Variants in EVA1A observed in about 807,000 individuals in gnomAD.
EVA1A encodes the protein eva-1 homolog A, regulator of programmed cell death, also known as protein eva-1 homolog A.
A neutral mutation model predicts 9.8 loss-of-function variants in EVA1A; 7 were observed. The ratio of observed to expected loss-of-function variants is 0.71; its 90% confidence interval spans 0.41 to 1.34. The LOEUF is 1.34. EVA1A is among the 40% of genes most tolerant of loss of function. The pLI is 0.01. For missense variants in EVA1A, 206 were observed against 205.9 expected, an observed-to-expected ratio of 1.00 and a Z score of 0.00; for synonymous variants, 90 against 85.6, an observed-to-expected ratio of 1.05 and a Z score of -0.28.
chr2:75,563,302 C>T, upstream of EVA1A, among the ~76,000 whole-genome samples: 1 of 152,172 alleles, frequency 6.6e-6, no homozygotes. Flanking sequence ...TCTTGGGGTT[C>T]CTACGGGTCA....
upstream of EVA1A, among the ~76,000 whole-genome samples, chr2:75,563,095 C>T (rs560807153): frequency 2.0e-5 from 3 of 152,316 alleles, no homozygotes; most frequent in Non-Finnish European, 2.9e-5. Flanking sequence ...GTACTTAGTA[C>T]GTGCCAGTCA....
rs1372512551 is a variant in EVA1A, at chr2:75,514,930, G to A, written c.85+3126C>T. Among the ~76,000 whole-genome samples the A allele has an allele frequency of 2.6e-5, 4 of 152,162 alleles. No individual in the cohort carries two copies. The East Asian group carries it at 7.7e-4, about 29-fold the overall frequency. ...CAATTCACAATTCCATCAGCACGAT[G>A]TGTAAGTACTCATCTCCCCAGACTT... On this transcript the variant is annotated intron_variant, in intron 3 of 3. Transcript: ENST00000393913.
intron 3 of EVA1A, among the ~76,000 whole-genome samples, chr2:75,500,297 T>A (rs1288117608): frequency 2.0e-5 from 3 of 152,222 alleles, no homozygotes; most frequent in African/African-American, 7.2e-5. Context: ...TCAAAATAAC[T>A]TTTGATGACG....
chr2:75,507,811 C>T (rs557665954), intron 3 of EVA1A, among the ~76,000 whole-genome samples: 75 of 152,290 alleles, frequency 4.9e-4, no homozygotes, highest in Non-Finnish European at 9.4e-4. Flanking sequence ...TGATCAGAGC[C>T]TCACACCTCA....
intron 1 of EVA1A, among the ~76,000 whole-genome samples, chr2:75,536,974 C>T (rs1019788411): frequency 3.3e-5 from 5 of 152,090 alleles, no homozygotes; most frequent in African/African-American, 4.8e-5. Flanking sequence ...TAGCATTACA[C>T]GGATACCAAC....
Position 75,493,410 on chromosome 2 carries a change from G to T in EVA1A, c.285C>A (p.Leu95=). 6.2e-7 allele frequency: 1 copy of T among 1,614,250 alleles called. No individual in the cohort carries two copies. Among genetic ancestry groups the T allele is most frequent in the African/African-American group, 1.3e-5 (1 of 75,070 alleles). Residue 95 remains leucine, a synonymous_variant, in exon 4 of 4, where the codon CTC becomes CTA. Transcript: ENST00000393913. The part of the protein sequence containing the change: ...EDGSEDTVSD[L]SVRRHRRFER... The stretch of plus-strand genomic sequence containing the variant: ...CGAAGCGGCGGTGTCTCCGCACGGA[G>T]AGATCGGACACGGTGTCCTCACTGC...
chr2:75,561,968 G>C (rs1321129275), upstream of EVA1A, among the ~76,000 whole-genome samples: 1 of 152,154 alleles, frequency 6.6e-6, no homozygotes, highest in South Asian at 2.1e-4. Flanking sequence ...TGACCACGTG[G>C]ATGACTAGAA....
rs774537343 is a variant in EVA1A at position 75,493,444 on chromosome 2, C to T, written c.251G>A (p.Ser84Asn). 2.7e-6 allele frequency: 4 copies of T among 1,466,398 alleles called. No individual in the cohort carries two copies. Among genetic ancestry groups the T allele is most frequent in the Non-Finnish European group, 3.8e-6 (4 of 1,066,072 alleles). 90.8% of individuals were successfully genotyped at this position (1,466,398 alleles called of 1,614,324 possible). A position where few individuals can be genotyped will look rare whatever the true frequency, so the allele number is the denominator to read the frequency against. Residue 84 changes from serine (S) to asparagine (N), a missense_variant, in exon 4 of 4, where the codon AGC becomes AAC. By Grantham distance (46) the Ser-to-Asn change is conservative. Transcript: ENST00000393913. ...DRESSSDSSDSEDGSEDTVSD... is the reference protein window; with the variant it reads ...DRESSSDSSDNEDGSEDTVSD... ...CACGGTGTCCTCACTGCCATCCTCG[C>T]TGTCGCTGCTGTCGCTGCTGCTCTC...
intron 3 of EVA1A, among the ~76,000 whole-genome samples, chr2:75,511,989 T>C (rs571571860): frequency 6.6e-6 from 1 of 152,112 alleles, no homozygotes; most frequent in African/African-American, 2.4e-5. Context: ...TGGAGAGTGA[T>C]GAGCAAAATT....
At chr2:75,558,175 G>T (rs1167845813) in intron 1 of EVA1A, among the ~76,000 whole-genome samples, 1 of 152,144 alleles carries the variant, frequency 6.6e-6, no homozygotes, top group Non-Finnish European at 1.5e-5. Context: ...TGTATAAAAT[G>T]CTAAACTTGA....
At chr2:75,565,849 AT>A (rs1264316582), upstream of EVA1A, among the ~76,000 whole-genome samples, 6 of 152,128 alleles carry the variant, frequency 3.9e-5, no homozygotes, top group African/African-American at 1.2e-4. Context: ...GAGGCCGAAA[AT>A]TTTTTTTCAT....
intron 1 of EVA1A, among the ~76,000 whole-genome samples, chr2:75,554,120 C>T (rs1676619526): frequency 3.9e-5 from 6 of 152,294 alleles, no homozygotes; most frequent in Non-Finnish European, 8.8e-5. Context: ...TGATCAAAGT[C>T]CCCTTGCAGA....
intron 1 of EVA1A, among the ~76,000 whole-genome samples, chr2:75,534,685 T>C (rs1488538140): frequency 6.6e-6 from 1 of 152,168 alleles, no homozygotes; most frequent in African/African-American, 2.4e-5. Flanking sequence ...AGTTTGCAAA[T>C]ATTTTCTCTC....
chr2:75,533,968 C>A (rs953690897), intron 1 of EVA1A, among the ~76,000 whole-genome samples: 3 of 151,982 alleles, frequency 2.0e-5, no homozygotes, highest in African/African-American at 7.2e-5. Context: ...CCCGCCACCA[C>A]GCCCGGCTAA....
Position 75,516,178 on chromosome 2 carries a change from C to T in EVA1A, c.85+1878G>A, listed in dbSNP as rs1189810524. ...TCTTCCATCATACTTTTCATCATTG[C>T]TTCCAATCCATTTATTTGATTTTCT... On this transcript the variant is annotated intron_variant, in intron 3 of 3. Coordinates refer to ENST00000393913, the MANE Select transcript of EVA1A (RefSeq NM_001135032.2). Among the ~76,000 whole-genome samples, 4 of 152,218 alleles carry T rather than the reference C, an allele frequency of 2.6e-5. No homozygotes were observed. The South Asian group carries it at 6.2e-4, about 24-fold the overall frequency.
chr2:75,527,774 T>C (rs368575903), intron 1 of EVA1A, among the ~76,000 whole-genome samples: 1 of 152,138 alleles, frequency 6.6e-6, no homozygotes, highest in Non-Finnish European at 1.5e-5. Flanking sequence ...AATACAATAA[T>C]GAGGAGTGTT....
intron 1 of EVA1A, among the ~76,000 whole-genome samples, chr2:75,535,727 G>A (rs755687899): frequency 6.6e-6 from 1 of 152,122 alleles, no homozygotes; most frequent in Non-Finnish European, 1.5e-5. Context: ...TAGGAGCTAA[G>A]CTATGGGTAC....
intron 1 of EVA1A, among the ~76,000 whole-genome samples, chr2:75,532,449 A>C (rs555049237): frequency 1.3e-5 from 2 of 152,308 alleles, no homozygotes; most frequent in East Asian, 3.9e-4. Flanking sequence ...TACATTCCAC[A>C]CAGTAAAAAA....
intron 1 of EVA1A, among the ~76,000 whole-genome samples, chr2:75,535,820 T>C (rs868699245): frequency 1.1e-4 from 17 of 152,118 alleles, no homozygotes; most frequent in Admixed American, 2.0e-4. Flanking sequence ...AACCTACCCA[T>C]TGGGTACAAC....
Sources: gnomAD v4.1 joint callset for allele counts (sites outside exome capture counted in the v4.1 genomes callset) on GRCh38, gnomAD v4.1.1 for gene constraint, MANE v1.5 for transcripts, NCBI Gene and HGNC (gene_info 2026-07-23, HGNC 2026-07-21) for gene names.